MAN2B2: variants seen among roughly 807,000 people sequenced by gnomAD.
MAN2B2 encodes the protein epididymis-specific alpha-mannosidase.
In MAN2B2, 106 loss-of-function variants were observed where a neutral mutation model predicts 117.1. The observed-to-expected ratio is 0.90, with a 90% CI of 0.77 to 1.06. The LOEUF (loss-of-function observed/expected upper bound fraction) is 1.06. MAN2B2 is among the 50% of genes least tolerant of loss of function. The pLI, the probability that MAN2B2 is intolerant of heterozygous loss-of-function variation, is 0.00. For missense variants in MAN2B2, 1,326 were observed against 1,381.4 expected (o/e 0.96, Z 0.64); for synonymous variants, 544 against 595.1 (o/e 0.91, Z 1.25).
intron 3 of MAN2B2, 144 bp from the exon 4 acceptor site, chr4:6,586,852 A>C: frequency 1.6e-6 from 1 of 643,232 alleles, no homozygotes; most frequent in Non-Finnish European, 2.7e-6. Flanking sequence ...TAACACCCTC[A>C]CCTCTGCAGT....
rs372255371 is a variant in MAN2B2 at position 6,620,004 on chromosome 4, G to A, written c.2892G>A (p.Leu964=). ...CAGGGACCTGGGATTTGAGCATGCTGCACCGCTGGAGCTGGAGGACGGGGC... is the reference window on the plus strand; with the variant it reads ...CAGGGACCTGGGATTTGAGCATGCTACACCGCTGGAGCTGGAGGACGGGGC... The part of the protein sequence containing the change: ...SLTGTWDLSM[L]HRWSWRTGPG... The change falls in exon 18 of 19, where the codon CTG becomes CTA. Residue 964 remains leucine, a synonymous_variant. Transcript: ENST00000285599. 4.3e-6 allele frequency: 7 copies of A among 1,613,748 alleles called. No homozygotes were observed. In the African/African-American group the frequency reaches 6.7e-5, roughly 15 times the overall value.
intron 16 of MAN2B2, among the ~76,000 whole-genome samples, chr4:6,614,972 G>C (rs1010523552): frequency 3.3e-5 from 5 of 152,208 alleles, no homozygotes; most frequent in Admixed American, 3.3e-4. Context: ...GAACTGACTT[G>C]TCCTGTTGCC....
intron 15 of MAN2B2, among the ~76,000 whole-genome samples, chr4:6,613,328 C>T (rs1169463772): frequency 1.3e-5 from 2 of 152,048 alleles, no homozygotes; most frequent in Non-Finnish European, 2.9e-5. Flanking sequence ...GTGGCTCACA[C>T]TTGTAATCCC....
chr4:6,597,826 CT>C (rs1308389262), intron 8 of MAN2B2, among the ~76,000 whole-genome samples: 1 of 152,224 alleles, frequency 6.6e-6, no homozygotes, highest in Non-Finnish European at 1.5e-5. Context: ...CCAAGACAGC[CT>C]GTAACTTGTC....
intron 16 of MAN2B2, 52 bp downstream of exon 16, chr4:6,614,407 A>G: frequency 6.3e-7 from 1 of 1,595,498 alleles, no homozygotes; most frequent in South Asian, 1.1e-5. Flanking sequence ...CCTGAGTCAA[A>G]CAGGCCACCG....
At chr4:6,603,301 T>C (rs1275721847) in intron 10 of MAN2B2, among the ~76,000 whole-genome samples, 5 of 151,842 alleles carry the variant, frequency 3.3e-5, no homozygotes, top group Admixed American at 2.0e-4. Context: ...ACATCACTCA[T>C]TCACTCAGCA....
chr4:6,603,908 A>T (rs1213250596), intron 10 of MAN2B2, among the ~76,000 whole-genome samples: 1 of 152,106 alleles, frequency 6.6e-6, no homozygotes, highest in Non-Finnish European at 1.5e-5. Context: ...GTACACCATT[A>T]TTGGGGGGGC....
chr4:6,579,704 C>A lies in MAN2B2; in HGVS notation c.391+1206C>A, dbSNP rs561463745. Among the ~76,000 whole-genome samples, 904 of 152,280 alleles carry A rather than the reference C, an allele frequency of 5.9e-3. 3 individuals are homozygous for A. The highest frequency in any genetic ancestry group is 0.012 in the Admixed American group (180 of 15,296). On this transcript the variant is annotated intron_variant, in intron 3 of 18. Coordinates refer to ENST00000285599, the MANE Select transcript of MAN2B2 (RefSeq NM_015274.3). ...CCCATCACTGTCGCCACCACCATCACCACATCCATTACTACCATCCCCTCC... is the reference window on the plus strand; with the variant it reads ...CCCATCACTGTCGCCACCACCATCAACACATCCATTACTACCATCCCCTCC...
chr4:6,609,548 AC>A, intron 12 of MAN2B2: 1 of 626,000 alleles, frequency 1.6e-6, no homozygotes, highest in South Asian at 2.0e-5. Context: ...CCCACAGAGC[AC>A]CTGTTCTTCC....
chr4:6,603,164 G>A (rs1481711879), intron 10 of MAN2B2, among the ~76,000 whole-genome samples: 2 of 152,298 alleles, frequency 1.3e-5, no homozygotes, highest in African/African-American at 4.8e-5. Context: ...CCGATGTTAG[G>A]TATGGGGCTG....
intron 6 of MAN2B2, among the ~76,000 whole-genome samples, chr4:6,593,617 C>T (rs1027817271): frequency 3.9e-5 from 6 of 152,184 alleles, no homozygotes; most frequent in Non-Finnish European, 8.8e-5. Context: ...GCTCCCGGCT[C>T]GGGCACTGCG....
At chr4:6,620,122 C>A in intron 18 of MAN2B2, 78 bp downstream of exon 18, 3 of 1,227,714 alleles carry the variant, frequency 2.4e-6, no homozygotes, top group South Asian at 1.4e-5. Flanking sequence ...GGTGCACATC[C>A]AACCATCTGC....
chr4:6,605,827 C>A (rs1163785733), intron 11 of MAN2B2, among the ~76,000 whole-genome samples: 2 of 151,854 alleles, frequency 1.3e-5, no homozygotes, highest in Non-Finnish European at 2.9e-5. Context: ...CATACATCTA[C>A]CTACCCACCC....
rs1397242275 is a variant in MAN2B2 at position 6,621,233 on chromosome 4, C to T, written c.2978C>T (p.Thr993Ile). 6.2e-7 allele frequency: 1 copy of T among 1,614,112 alleles called. No homozygotes were observed. ...PSRPPGGPII[T>I]VHPKEIRTFF... ...AGGCCACCAGGAGGCCCCATCATCACCGTCCACCCAAAGGAAATCCGGACG... is the reference window on the plus strand; with the variant it reads ...AGGCCACCAGGAGGCCCCATCATCATCGTCCACCCAAAGGAAATCCGGACG... Residue 993 changes from threonine (T) to isoleucine (I), a missense_variant, in exon 19 of 19, where the codon ACC becomes ATC. Physicochemically the swap from Thr to Ile is moderately conservative, Grantham distance 89 (BLOSUM62 -1). Transcript: ENST00000285599.
At chr4:6,617,938 C>T (rs1386902384) in intron 17 of MAN2B2, 1 of 175,342 alleles carries the variant, frequency 5.7e-6, no homozygotes, top group Non-Finnish European at 1.2e-5. Flanking sequence ...ACCTCCATCT[C>T]CCAGGTTCAA....
chr4:6,611,134 T>C lies in MAN2B2; in HGVS notation c.2419T>C (p.Tyr807His). ...GAACAACTTCGACTGGGACCTGGGC[T>C]ACAACCTCACGCTGAACGACACCTC... is the stretch of plus-strand genomic sequence containing the variant. ...LWNNFDWDLG[Y>H]NLTLNDTSVV... is the part of the protein sequence containing the mutation. Residue 807 changes from tyrosine to histidine, a missense_variant, in exon 15 of 19, where the codon TAC becomes CAC. By Grantham distance (83) the Tyr-to-His change is moderately conservative (BLOSUM62 2). Coordinates refer to ENST00000285599, the MANE Select transcript of MAN2B2 (RefSeq NM_015274.3). The C allele has an allele frequency of 6.2e-7, 1 of 1,613,950 alleles. No individual in the cohort carries two copies. Among genetic ancestry groups the C allele is most frequent in the Non-Finnish European group, 8.5e-7 (1 of 1,179,998 alleles).
At position 6,616,295 on chromosome 4, in the gene MAN2B2, C is replaced by T. The variant is rs79404116; in HGVS notation, c.2702-1085C>T. On this transcript the variant is annotated intron_variant, in intron 16 of 18. Transcript: ENST00000285599. ...AGCCTCGGTCTTCCCATCTGTAAAA[C>T]GGGAGCAATGGCAATGAGCCTTTCT... Among the ~76,000 whole-genome samples the T allele has an allele frequency of 4.6e-3, 694 of 152,248 alleles. 5 individuals carry two copies. Among genetic ancestry groups the T allele is most frequent in the African/African-American group, 0.015 (641 of 41,552 alleles).
chr4:6,584,831 CTG>C (rs1190422506), intron 3 of MAN2B2, among the ~76,000 whole-genome samples: 2 of 152,208 alleles, frequency 1.3e-5, no homozygotes, highest in Non-Finnish European at 2.9e-5. Flanking sequence ...CTTAGATCAA[CTG>C]TGATTCGTCC....
intron 9 of MAN2B2, among the ~76,000 whole-genome samples, chr4:6,599,927 G>T (rs1317202282): frequency 6.6e-6 from 1 of 152,222 alleles, no homozygotes; most frequent in East Asian, 1.9e-4. Context: ...GCCAGGTGGG[G>T]ACTTTTGAGG....
Sources: allele counts gnomAD v4.1 joint callset (sites outside exome capture counted in the v4.1 genomes callset), GRCh38; gene constraint gnomAD v4.1.1; transcripts MANE v1.5; gene names NCBI Gene and HGNC (gene_info 2026-07-23, HGNC 2026-07-21).